Variants in HSD17B14 observed in about 807,000 individuals in gnomAD.
HSD17B14 encodes the protein L-fucose dehydrogenase.
Under a neutral mutation model 32.2 loss-of-function variants are expected in HSD17B14, and 32 were observed. The ratio of observed to expected loss-of-function variants is 0.99; its 90% CI spans 0.75 to 1.33. The LOEUF (loss-of-function observed/expected upper bound fraction) is 1.33. Ranked by LOEUF, HSD17B14 falls within the 40% of genes most tolerant of loss-of-function variation. The probability of loss-of-function intolerance (pLI) is 0.00; values close to 1 mark genes in which losing one functional copy is unlikely to be tolerated. For missense variants in HSD17B14, 370 were observed against 366.5 expected, an observed-to-expected ratio of 1.01 and a Z score of -0.08; for synonymous variants, 140 against 155.4, an observed-to-expected ratio of 0.90 and a Z score of 0.74.
chr19:48,830,418 TCTAA>T (rs2035317904), intron 5 of HSD17B14, among the ~76,000 whole-genome samples: 1 of 152,104 alleles, frequency 6.6e-6, no homozygotes, highest in South Asian at 2.1e-4. Flanking sequence ...CATTTATCTT[TCTAA>T]CTTTTTTTGC....
At chr19:48,826,126 G>A (rs1025700406) in intron 5 of HSD17B14, among the ~76,000 whole-genome samples, 2 of 151,980 alleles carry the variant, frequency 1.3e-5, no homozygotes, top group African/African-American at 2.4e-5. Context: ...AGCCCAACTT[G>A]ACCAACTTTC....
intron 5 of HSD17B14, among the ~76,000 whole-genome samples, chr19:48,823,256 A>G (rs530498622): frequency 6.6e-6 from 1 of 152,210 alleles, no homozygotes; most frequent in East Asian, 1.9e-4. Flanking sequence ...CAAAAAAATA[A>G]AAGATTGGCT....
intron 3 of HSD17B14, among the ~76,000 whole-genome samples, chr19:48,833,704 A>T (rs1192682004): frequency 6.6e-6 from 1 of 152,062 alleles, no homozygotes; most frequent in Non-Finnish European, 1.5e-5. Flanking sequence ...CACATGCCTG[A>T]AATCTCAGCT....
At chr19:48,829,635 C>CTT (rs34096239) in intron 5 of HSD17B14, among the ~76,000 whole-genome samples, 1,261 of 76,068 alleles carry the variant, frequency 0.017, 66 homozygotes, top group African/African-American at 0.048. Flanking sequence ...CCAGGCCTGG[C>CTT]TTTTTTTTTT....
At chr19:48,828,355 G>A (rs1301302101) in intron 5 of HSD17B14, among the ~76,000 whole-genome samples, 1 of 152,128 alleles carries the variant, frequency 6.6e-6, no homozygotes, top group Admixed American at 6.6e-5. Context: ...AGCCTCAAAA[G>A]GTAATTATTG....
At chr19:48,822,376 G>A (rs1568519904) in intron 5 of HSD17B14, among the ~76,000 whole-genome samples, 1 of 150,264 alleles carries the variant, frequency 6.7e-6, no homozygotes, top group Non-Finnish European at 1.5e-5. Flanking sequence ...TGATGCTGAT[G>A]TTGTTGATGG....
chr19:48,826,312 G>A (rs2122776128), intron 5 of HSD17B14, among the ~76,000 whole-genome samples: 1 of 150,642 alleles, frequency 6.6e-6, no homozygotes, highest in African/African-American at 2.4e-5. Context: ...GAACAACATA[G>A]TGAGACCCCC....
At chr19:48,817,266 C>T (rs2035073365) in intron 5 of HSD17B14, among the ~76,000 whole-genome samples, 1 of 150,594 alleles carries the variant, frequency 6.6e-6, no homozygotes, top group Non-Finnish European at 1.5e-5. Flanking sequence ...CAACCTCCTC[C>T]CCCCAGGTTC....
At chr19:48,820,684 G>C (rs2035131547) in intron 5 of HSD17B14, among the ~76,000 whole-genome samples, 1 of 150,614 alleles carries the variant, frequency 6.6e-6, no homozygotes. Flanking sequence ...ACCATGCCCG[G>C]CTAATTTTTA....
intron 5 of HSD17B14, among the ~76,000 whole-genome samples, chr19:48,826,542 T>TATATATATATACACACAC: frequency 7.5e-5 from 6 of 80,102 alleles, no homozygotes; most frequent in African/African-American, 3.1e-4. Flanking sequence ...TATATATATA[T>TATATATATATACACACAC]ACACACACAC....
At chr19:48,831,782 G>C in intron 4 of HSD17B14, 23 bp from the exon 5 acceptor site, 1 of 1,420,382 alleles carries the variant, frequency 7.0e-7, no homozygotes, top group Admixed American at 1.7e-5. Context: ...GTGAGAGAGA[G>C]AGGAAAAGTG....
chr19:48,822,951 G>T (rs994950460), intron 5 of HSD17B14, among the ~76,000 whole-genome samples: 1 of 152,112 alleles, frequency 6.6e-6, no homozygotes. Flanking sequence ...AATAACGATG[G>T]TGATAATGGC....
intron 2 of HSD17B14, among the ~76,000 whole-genome samples, chr19:48,834,670 C>G (rs1411781625): frequency 6.6e-5 from 3 of 45,216 alleles, no homozygotes; most frequent in African/African-American, 2.3e-4. Context: ...GGAAGTAGGG[C>G]CTGGGGGCCT....
In HSD17B14 at chr19:48,816,804, TTTCTTTCTTTCTTTCTTTC is replaced by T. The variant is rs772077796; in HGVS notation, c.370-1682_370-1664del. Among the ~76,000 whole-genome samples, 172 of 117,676 alleles carry T rather than the reference TTTCTTTCTTTCTTTCTTTC, an allele frequency of 1.5e-3. No individual in the cohort carries two copies. In the South Asian group the frequency reaches 0.016, roughly 11 times the overall value. The allele number at this position is 117,676 out of a possible 152,430, so 77.2% of individuals were successfully genotyped here. ...TTTTCTTTCTTTCTTTCTTTCTTTC[TTTCTTTCTTTCTTTCTTTC>T]TTTTCTTTCTCTCTCTCTCTCTCTT... On this transcript the variant is annotated intron_variant, in intron 5 of 8. Transcript: ENST00000263278.
At chr19:48,813,594 A>G in intron 7 of HSD17B14, 42 bp from the exon 8 acceptor site, 1 of 1,612,538 alleles carries the variant, frequency 6.2e-7, no homozygotes, top group Non-Finnish European at 8.5e-7. Context: ...TCTGTCTCGA[A>G]CCACTTGGGA....
At chr19:48,818,193 C>G (rs1295516551) in intron 5 of HSD17B14, among the ~76,000 whole-genome samples, 1 of 151,788 alleles carries the variant, frequency 6.6e-6, no homozygotes, top group Non-Finnish European at 1.5e-5. Context: ...TGCCTGTAAT[C>G]CCAGCTACTC....
intron 3 of HSD17B14, among the ~76,000 whole-genome samples, chr19:48,833,821 T>C (rs1415104723): frequency 7.0e-6 from 1 of 143,390 alleles, no homozygotes. Flanking sequence ...AGCGAAACTC[T>C]GTCTTAAAAA....
intron 5 of HSD17B14, among the ~76,000 whole-genome samples, chr19:48,825,349 T>C (rs2035227109): frequency 6.6e-6 from 1 of 152,104 alleles, no homozygotes; most frequent in Non-Finnish European, 1.5e-5. Context: ...TCTTACTCTG[T>C]TGCCCAGGCT....
At chr19:48,833,416 G>C (rs1033728857) in intron 3 of HSD17B14, among the ~76,000 whole-genome samples, 1 of 152,280 alleles carries the variant, frequency 6.6e-6, no homozygotes, top group Admixed American at 6.5e-5. Flanking sequence ...TACAGGCCAC[G>C]TGCAGTGGCT....
Sources: allele counts gnomAD v4.1 joint callset (sites outside exome capture counted in the v4.1 genomes callset), GRCh38; gene constraint gnomAD v4.1.1; transcripts MANE v1.5; gene names NCBI Gene and HGNC (gene_info 2026-07-23, HGNC 2026-07-21).